Variants in TLN1 observed in about 807,000 individuals in gnomAD.
TLN1 encodes the protein talin 1, also known as talin-1.
A neutral mutation model predicts 292.3 loss-of-function variants in TLN1; 56 were observed. That is an observed-to-expected ratio of 0.19 (90% CI 0.15 to 0.24). The LOEUF (loss-of-function observed/expected upper bound fraction) is 0.24, where lower values mean the gene tolerates loss of function less well. Ranked by LOEUF, TLN1 falls within the 10% of genes least tolerant of loss-of-function variation. The pLI, the probability that TLN1 is intolerant of heterozygous loss-of-function variation, is 1.00. For missense variants in TLN1, 2,433 were observed against 3,248.2 expected, an observed-to-expected ratio of 0.75 and a Z score of 6.10; for synonymous variants, 1,119 against 1,253.7, an observed-to-expected ratio of 0.89 and a Z score of 2.27.
At position 35,704,270 on chromosome 9, in the gene TLN1, C is replaced by A; in HGVS notation, c.6047+62G>T. The A allele has an allele frequency of 6.3e-7, 1 of 1,585,864 alleles. No individual in the cohort carries two copies. The highest frequency in any genetic ancestry group is 8.6e-7 in the Non-Finnish European group (1 of 1,164,852). ...CTTCCCCATTCCAGCGAATGCTATC[C>A]TGCCTCTTCCAGCCCCGTGCCCCGA... On this transcript the variant is annotated intron_variant, in intron 45 of 56. Coordinates refer to ENST00000314888, the MANE Select transcript of TLN1 (RefSeq NM_006289.4). The surrounding 1 kb of genome is among the most constrained non-coding windows in gnomAD (Gnocchi z 6.9).
chr9:35,724,273 C>T lies in TLN1; in HGVS notation c.573G>A (p.Leu191=), dbSNP rs201461421. The T allele has an allele frequency of 1.6e-4, 255 of 1,614,224 alleles. 1 individual carries two copies. The highest frequency in any genetic ancestry group is 5.1e-6 in the Non-Finnish European group (6 of 1,180,052). ...AGTAAAAGAACTTCCTCCGCAGCAG[C>T]AGCGTCTCGTGCTCCTCTACACCCT... is the stretch of plus-strand genomic sequence containing the variant. ...REQGVEEHET[L]LLRRKFFYSD... Residue 191 remains leucine, a synonymous_variant, in exon 6 of 57, where the codon CTG becomes CTA. Coordinates refer to ENST00000314888, the MANE Select transcript of TLN1 (RefSeq NM_006289.4). This position sits in a 1 kb window ranked among gnomAD's most constrained non-coding sequence, Gnocchi z 4.7.
intron 25 of TLN1, 65 bp from the exon 26 acceptor site, chr9:35,713,363 G>T (rs1252583148): frequency 7.6e-7 from 1 of 1,319,596 alleles, no homozygotes; most frequent in Non-Finnish European, 1.1e-6. Flanking sequence ...AACCTGAGAA[G>T]GTACTTGGGG....
rs553928002 is a variant in TLN1, at chr9:35,706,376, G to T, written c.5191-10C>A. 6.2e-7 allele frequency: 1 copy of T among 1,610,174 alleles called. No homozygotes were observed. Among genetic ancestry groups the T allele is most frequent in the Non-Finnish European group, 8.5e-7 (1 of 1,177,820 alleles). Reference sequence around the variant, plus strand: ...GCGCCATCTGGGACACCTGAGGCAAGGGGTTGGACTAGGGGTCAGGTCCCC... The same window carrying T: ...GCGCCATCTGGGACACCTGAGGCAATGGGTTGGACTAGGGGTCAGGTCCCC... On this transcript the variant is annotated splice_polypyrimidine_tract_variant and intron_variant, in intron 39 of 56. Transcript: ENST00000314888. This position sits in a 1 kb window ranked among gnomAD's most constrained non-coding sequence, Gnocchi z 4.2.
intron 17 of TLN1, among the ~76,000 whole-genome samples, chr9:35,718,497 G>C (rs1004499161): frequency 6.6e-6 from 1 of 152,102 alleles, no homozygotes; most frequent in Admixed American, 6.6e-5. Context: ...TCTCAGGGTG[G>C]CATGGTCTAT....
chr9:35,703,726 A>G (rs1231446291), intron 47 of TLN1, 49 bp downstream of exon 47: 1 of 1,614,192 alleles, frequency 6.2e-7, no homozygotes, highest in Non-Finnish European at 8.5e-7. Context: ...AACAGGAGGA[A>G]GTATGTTAAT....
Position 35,715,110 on chromosome 9 carries a change from G to T in TLN1, c.2703C>A (p.Thr901=). The part of the protein sequence containing the change: ...REAAEGLRMA[T]NAAAQNAIKK... ...TGATGGCATTCTGCGCAGCTGCATT[G>T]GTGGCCATGCGCAGCCCCTCAGCTG... Residue 901 remains threonine (T), a synonymous_variant, in exon 21 of 57, where the codon ACC becomes ACA. Transcript: ENST00000314888. 6.2e-7 allele frequency: 1 copy of T among 1,613,304 alleles called. No homozygotes were observed. The highest frequency in any genetic ancestry group is 1.1e-5 in the South Asian group (1 of 91,042).
In TLN1 at chr9:35,704,713, T is replaced by G; in HGVS notation, c.5836A>C (p.Thr1946Pro). The G allele has an allele frequency of 6.2e-7, 1 of 1,614,178 alleles. No individual in the cohort carries two copies. Among genetic ancestry groups the G allele is most frequent in the Non-Finnish European group, 8.5e-7 (1 of 1,180,030 alleles). ...GCACACTCTATGAGCTCCTTCTTGG[T>G]GTAGGCATCACTGGGGCTGCACTGC... ...ALQCSPSDAY[T>P]KKELIECARR... Residue 1946 changes from threonine to proline, a missense_variant, in exon 44 of 57, where the codon ACC (threonine) becomes CCC (proline). Coordinates refer to ENST00000314888, the MANE Select transcript of TLN1 (RefSeq NM_006289.4). The surrounding 1 kb of genome is among the most constrained non-coding windows in gnomAD (Gnocchi z 6.9).
rs747693154 is a variant in TLN1 at position 35,714,116 on chromosome 9, C to A, written c.3121-35G>T. ...GAAAGGGGTTTTGGGTGTAGAAGGT[C>A]CTGCTGTGTCTCACCAATGCCTCTG... On this transcript the variant is annotated intron_variant, in intron 24 of 56. Coordinates refer to ENST00000314888, the MANE Select transcript of TLN1 (RefSeq NM_006289.4). The surrounding 1 kb of genome is among the most constrained non-coding windows in gnomAD (Gnocchi z 4.6). 1.2e-6 allele frequency: 2 copies of A among 1,611,040 alleles called. No individual in the cohort carries two copies. The highest frequency in any genetic ancestry group is 1.7e-6 in the Non-Finnish European group (2 of 1,177,426).
In TLN1 at chr9:35,718,919, A is replaced by T; in HGVS notation, c.1897-9T>A. On this transcript the variant is annotated splice_polypyrimidine_tract_variant and intron_variant, in intron 16 of 56. Coordinates refer to ENST00000314888, the MANE Select transcript of TLN1 (RefSeq NM_006289.4). Reference sequence around the variant, plus strand: ...AGCAGGTTCTGACGGGGCTGTGGAGAGTGAACACCAGTCAGAAGCTGCCCA... The same window carrying T: ...AGCAGGTTCTGACGGGGCTGTGGAGTGTGAACACCAGTCAGAAGCTGCCCA... 6.2e-7 allele frequency: 1 copy of T among 1,610,282 alleles called. No individual in the cohort carries two copies. The highest frequency in any genetic ancestry group is 1.3e-5 in the African/African-American group (1 of 74,850).
In TLN1 at chr9:35,719,481, C is replaced by T. The variant is rs374749972; in HGVS notation, c.1687+38G>A. 3.2e-6 allele frequency: 5 copies of T among 1,572,588 alleles called. No homozygotes were observed. The highest frequency in any genetic ancestry group is 3.5e-6 in the Non-Finnish European group (4 of 1,143,078). On this transcript the variant is annotated intron_variant, in intron 15 of 56. Coordinates refer to ENST00000314888, the MANE Select transcript of TLN1 (RefSeq NM_006289.4). The surrounding 1 kb of genome is among the most constrained non-coding windows in gnomAD (Gnocchi z 4.6). Reference sequence around the variant, plus strand: ...ATGCCTGTGCACACTTGCACCCCCTCTCCCCATCACACACCCGGAAGCTAG... The same window carrying T: ...ATGCCTGTGCACACTTGCACCCCCTTTCCCCATCACACACCCGGAAGCTAG...
At position 35,719,818 on chromosome 9, in the gene TLN1, G is replaced by A. The variant is rs1248962743; in HGVS notation, c.1500C>T (p.Asn500=). 2.5e-6 allele frequency: 4 copies of A among 1,597,402 alleles called. No homozygotes were observed. Among genetic ancestry groups the A allele is most frequent in the African/African-American group, 2.7e-5 (2 of 74,712 alleles). The part of the protein sequence containing the change: ...SAQQALTGTI[N]SSMQAVQAAQ... Reference sequence around the variant, plus strand: ...CAGCCTGCACGGCCTGCATGCTGGAGTTAATGGTTCCAGTGAGTGCCTGCT... The same window carrying A: ...CAGCCTGCACGGCCTGCATGCTGGAATTAATGGTTCCAGTGAGTGCCTGCT... The change falls in exon 14 of 57, where the codon AAC becomes AAT. Residue 500 remains asparagine, a synonymous_variant. Coordinates refer to ENST00000314888, the MANE Select transcript of TLN1 (RefSeq NM_006289.4). This position sits in a 1 kb window ranked among gnomAD's most constrained non-coding sequence, Gnocchi z 4.6.
chr9:35,732,140 G>A lies in TLN1; in HGVS notation c.-99C>T, dbSNP rs1219649292. ...CCCCGCCGCTTCTCGGGTCGCCCTC[G>A]GGCTCCGGCCTCGCCCTCCCTTCGA... is the stretch of plus-strand genomic sequence containing the variant. On this transcript the variant is annotated 5_prime_UTR_variant, in exon 1 of 57. Transcript: ENST00000314888. This position sits in a 1 kb window ranked among gnomAD's most constrained non-coding sequence, Gnocchi z 5.1. 6.5e-6 allele frequency: 1 copy of A among 153,616 alleles called. No homozygotes were observed. Among genetic ancestry groups the A allele is most frequent in the Non-Finnish European group, 1.5e-5 (1 of 68,724 alleles). The allele number at this position is 153,616 out of a possible 1,614,324, so 9.5% of individuals were successfully genotyped here. A position where few individuals can be genotyped will look rare whatever the true frequency, so the allele number is the denominator to read the frequency against.
In TLN1 at chr9:35,707,709, T is replaced by C; in HGVS notation, c.4632+22A>G. 1 of 1,613,934 alleles carries C rather than the reference T, an allele frequency of 6.2e-7. No individual in the cohort carries two copies. The highest frequency in any genetic ancestry group is 2.2e-5 in the East Asian group (1 of 44,874). On this transcript the variant is annotated intron_variant, in intron 35 of 56. Transcript: ENST00000314888. This position sits in a 1 kb window ranked among gnomAD's most constrained non-coding sequence, Gnocchi z 5.6. ...AAGATAGGACAGGTCAGGGAGAGGCTGGGAATTCAAGCAATGGGAACCTTG... is the reference window on the plus strand; with the variant it reads ...AAGATAGGACAGGTCAGGGAGAGGCCGGGAATTCAAGCAATGGGAACCTTG...
rs565368178 is a variant in TLN1 at position 35,731,488 on chromosome 9, G to A, written c.-34+587C>T. ...ATTTATAATTTGATTCCTAACTCAC[G>A]CTTTCACTGTTTATCCTTAACACCG... On this transcript the variant is annotated intron_variant, in intron 1 of 56. Transcript: ENST00000314888. Among the ~76,000 whole-genome samples, 50 of 152,126 alleles carry A rather than the reference G, an allele frequency of 3.3e-4. 3 individuals are homozygous for A. In the South Asian group the frequency reaches 7.1e-3, roughly 21 times the overall value.
intron 1 of TLN1, among the ~76,000 whole-genome samples, chr9:35,730,995 AG>A (rs1826068576): frequency 6.6e-6 from 1 of 152,142 alleles, no homozygotes; most frequent in Non-Finnish European, 1.5e-5. Flanking sequence ...TAAACAACAC[AG>A]TCCAGAATCT....
At position 35,697,133 on chromosome 9, in the gene TLN1, A is replaced by G. The variant is rs1216199246; in HGVS notation, c.*658T>C. ...GGTGCTGGCCAGGGAGGTGAGGATA[A>G]CAGGAGTATGACTTCTCAGGCACAA... On this transcript the variant is annotated 3_prime_UTR_variant, in exon 57 of 57. Coordinates refer to ENST00000314888, the MANE Select transcript of TLN1 (RefSeq NM_006289.4). 4 of 152,436 alleles carry G rather than the reference A, an allele frequency of 2.6e-5. No individual in the cohort carries two copies. The highest frequency in any genetic ancestry group is 2.6e-4 in the Admixed American group (4 of 15,272). 9.4% of individuals were successfully genotyped at this position (152,436 alleles called of 1,614,324 possible). A position where few individuals can be genotyped will look rare whatever the true frequency, so the allele number is the denominator to read the frequency against.
At chr9:35,720,559 A>G (rs768392363) in intron 11 of TLN1, 50 bp from the exon 12 acceptor site, 78 of 1,563,974 alleles carry the variant, frequency 5.0e-5, no homozygotes, top group Non-Finnish European at 6.8e-5. Context: ...AGAAGAGGGA[A>G]GTGGAGAAAA....
At chr9:35,730,694 T>C (rs1179793532) in intron 1 of TLN1, among the ~76,000 whole-genome samples, 1 of 151,854 alleles carries the variant, frequency 6.6e-6, no homozygotes, top group South Asian at 2.1e-4. Flanking sequence ...AAGATGAGCA[T>C]GGGAGAGTTA....
chr9:35,705,432 G>T, intron 43 of TLN1, 119 bp downstream of exon 43: 2 of 1,026,742 alleles, frequency 1.9e-6, no homozygotes, highest in South Asian at 1.6e-5. Context: ...CAGCAGAGTG[G>T]CCCTGAGGCT....
Sources: gnomAD v4.1 joint callset for allele counts (sites outside exome capture counted in the v4.1 genomes callset) on GRCh38, gnomAD v4.1.1 for gene constraint, Gnocchi (gnomAD v3.1) non-coding constraint, MANE v1.5 for transcripts, NCBI Gene and HGNC (gene_info 2026-07-23, HGNC 2026-07-21) for gene names.